Variants in EXOC4 observed in about 807,000 individuals in gnomAD.
EXOC4 encodes the protein exocyst complex component 4, also known as SEC8-like 1.
EXOC4 carries 71 observed loss-of-function variants against 107.2 expected under a neutral mutation model. The observed-to-expected ratio is 0.66, with a 90% confidence interval of 0.55 to 0.81. The LOEUF (loss-of-function observed/expected upper bound fraction) is 0.81. Ranked by LOEUF, EXOC4 falls within the 30% of genes least tolerant of loss-of-function variation. EXOC4 has a pLI of 0.00. For missense variants in EXOC4, 1,108 were observed against 1,189.6 expected, an observed-to-expected ratio of 0.93 and a Z score of 1.01; for synonymous variants, 456 against 441.2, an observed-to-expected ratio of 1.03 and a Z score of -0.42.
intron 9 of EXOC4, among the ~76,000 whole-genome samples, chr7:133,610,814 C>CT (rs67695705): frequency 0.026 from 3,640 of 139,752 alleles, 142 homozygotes; most frequent in African/African-American, 0.084. Context: ...TTCTTTTTTA[C>CT]TTTTTTTTTT....
At chr7:133,697,057 C>G (rs1794550266) in intron 10 of EXOC4, among the ~76,000 whole-genome samples, 1 of 152,158 alleles carries the variant, frequency 6.6e-6, no homozygotes, top group Non-Finnish European at 1.5e-5. Flanking sequence ...GCTCTTTACT[C>G]CTACACTCCA....
chr7:133,721,250 A>G (rs1795099151), intron 10 of EXOC4, among the ~76,000 whole-genome samples: 1 of 152,190 alleles, frequency 6.6e-6, no homozygotes, highest in Non-Finnish European at 1.5e-5. Flanking sequence ...ACTATTTCCC[A>G]TACTCATAGG....
At chr7:133,552,554 C>T (rs748381667) in intron 9 of EXOC4, among the ~76,000 whole-genome samples, 3 of 152,138 alleles carry the variant, frequency 2.0e-5, no homozygotes, top group Admixed American at 6.5e-5. Flanking sequence ...CTCCTTTCAA[C>T]CACAGCCACC....
intron 10 of EXOC4, among the ~76,000 whole-genome samples, chr7:133,693,395 C>T (rs1291740595): frequency 1.3e-5 from 2 of 152,186 alleles, no homozygotes; most frequent in African/African-American, 4.8e-5. Flanking sequence ...GCCCTGCTGG[C>T]AGCTGATTAG....
intron 11 of EXOC4, among the ~76,000 whole-genome samples, chr7:133,843,324 T>C (rs1798059090): frequency 6.6e-6 from 1 of 152,198 alleles, no homozygotes; most frequent in African/African-American, 2.4e-5. Context: ...TTCTATTTGT[T>C]ATGTCATCTC....
At chr7:133,564,002 T>C (rs1328719639) in intron 9 of EXOC4, among the ~76,000 whole-genome samples, 1 of 152,176 alleles carries the variant, frequency 6.6e-6, no homozygotes, top group Non-Finnish European at 1.5e-5. Context: ...TGTTGACATA[T>C]GAGTATGATT....
chr7:133,928,685 A>C (rs1193843047), intron 13 of EXOC4, among the ~76,000 whole-genome samples: 6 of 152,098 alleles, frequency 3.9e-5, no homozygotes, highest in African/African-American at 1.4e-4. Context: ...TAGTGTGGTG[A>C]GTGCTACTGC....
rs1318257677 is a variant in EXOC4, at chr7:133,895,528, G to T, written c.1735-71G>T. ...AGGTACCTTAAATTATGACATACTT[G>T]GAGTTGTCCTTCCTTGTCCAACACA... On this transcript the variant is annotated intron_variant, in intron 11 of 17. Coordinates refer to ENST00000253861, the MANE Select transcript of EXOC4 (RefSeq NM_021807.4). 16 of 1,445,574 alleles carry T rather than the reference G, an allele frequency of 1.1e-5. No individual in the cohort carries two copies. The East Asian group carries it at 3.5e-4, about 31-fold the overall frequency. 89.5% of individuals were successfully genotyped at this position (1,445,574 alleles called of 1,614,324 possible).
At chr7:133,976,183 A>G (rs1220775954) in intron 14 of EXOC4, among the ~76,000 whole-genome samples, 3 of 152,330 alleles carry the variant, frequency 2.0e-5, no homozygotes, top group Non-Finnish European at 4.4e-5. Context: ...TTTAGGCACA[A>G]AGAGAACATC....
chr7:133,769,704 T>C (rs1796207791), intron 10 of EXOC4, among the ~76,000 whole-genome samples: 1 of 151,958 alleles, frequency 6.6e-6, no homozygotes, highest in South Asian at 2.1e-4. Flanking sequence ...CAATCTTGTT[T>C]CCTAGATAAC....
chr7:133,425,402 T>C (rs986426139), intron 7 of EXOC4, among the ~76,000 whole-genome samples: 2 of 152,152 alleles, frequency 1.3e-5, no homozygotes, highest in African/African-American at 4.8e-5. Context: ...TTCTGCTGTC[T>C]CAGTCTCCTG....
At chr7:134,098,513 C>A in the EXOC4 span, among the ~76,000 whole-genome samples, 2 of 152,028 alleles carry the variant, frequency 1.3e-5, no homozygotes, top group Non-Finnish European at 2.9e-5. Context: ...AGGTCTGCAT[C>A]TTAAATAGCA....
chr7:133,332,772 A>G (rs150722747), intron 5 of EXOC4, among the ~76,000 whole-genome samples: 1 of 152,284 alleles, frequency 6.6e-6, no homozygotes, highest in Non-Finnish European at 1.5e-5. Flanking sequence ...CTGGGAACCT[A>G]TCATATAACT....
intron 9 of EXOC4, among the ~76,000 whole-genome samples, chr7:133,519,519 C>T (rs928019867): frequency 2.6e-5 from 4 of 152,052 alleles, no homozygotes; most frequent in African/African-American, 7.2e-5. Context: ...TAAATTTAAA[C>T]ACTACAGCCT....
At chr7:133,535,770 T>C (rs1800259658) in intron 9 of EXOC4, among the ~76,000 whole-genome samples, 1 of 152,240 alleles carries the variant, frequency 6.6e-6, no homozygotes, top group African/African-American at 2.4e-5. Context: ...TGTCATTTTC[T>C]TCCTCTCAAG....
chr7:133,897,112 G>A (rs1476225903), intron 12 of EXOC4, among the ~76,000 whole-genome samples: 1 of 151,380 alleles, frequency 6.6e-6, no homozygotes, highest in Non-Finnish European at 1.5e-5. Context: ...AAATGTAGAT[G>A]TTGGATAGCA....
intron 10 of EXOC4, 87 bp downstream of exon 10, chr7:133,630,228 A>G (rs987017118): frequency 1.0e-6 from 1 of 1,000,012 alleles, no homozygotes; most frequent in Admixed American, 2.1e-5. Context: ...TTGAGTCAGC[A>G]CTGAAACAAG....
chr7:133,888,003 G>A (rs1180308213), intron 11 of EXOC4, among the ~76,000 whole-genome samples: 2 of 152,132 alleles, frequency 1.3e-5, no homozygotes, highest in African/African-American at 4.8e-5. Flanking sequence ...AACTTCTGGG[G>A]ATTCTATAGA....
chr7:133,575,328 T>A (rs1159923597), intron 9 of EXOC4, among the ~76,000 whole-genome samples: 1 of 152,190 alleles, frequency 6.6e-6, no homozygotes, highest in Non-Finnish European at 1.5e-5. Context: ...GTGATAAGAT[T>A]TTAGTTCTAG....
Sources: allele counts gnomAD v4.1 joint callset (sites outside exome capture counted in the v4.1 genomes callset), GRCh38; gene constraint gnomAD v4.1.1; transcripts MANE v1.5; gene names NCBI Gene and HGNC (gene_info 2026-07-23, HGNC 2026-07-21).